PCDHA4: variants seen among roughly 807,000 people sequenced by gnomAD.
PCDHA4 encodes the protein protocadherin alpha-4.
Under a neutral mutation model 61.4 loss-of-function variants are expected in PCDHA4, and 49 were observed. That is an observed-to-expected ratio of 0.80 (90% CI 0.63 to 1.01). PCDHA4 has a LOEUF of 1.01. Among genes scored for constraint, PCDHA4 ranks in the 50% least tolerant of loss-of-function variants. The probability of loss-of-function intolerance (pLI) is 0.00; values close to 1 mark genes in which losing one functional copy is unlikely to be tolerated. For synonymous variants in PCDHA4, 590 were observed against 550.3 expected (o/e 1.07, Z -1.01); for missense variants, 1,254 against 1,235.8 (o/e 1.01, Z -0.22).
At chr5:140,869,471 T>A in intron 1 of PCDHA4, 1 of 1,613,696 alleles carries the variant, frequency 6.2e-7, no homozygotes, top group East Asian at 2.2e-5. Context: ...AACGTGGAGG[T>A]GAAGGACATT....
At chr5:140,993,877 C>T (rs1457877493) in intron 3 of PCDHA4, among the ~76,000 whole-genome samples, 4 of 152,150 alleles carry the variant, frequency 2.6e-5, no homozygotes, top group South Asian at 2.1e-4. Context: ...TGTGTAAGTA[C>T]GCTCTATGAT....
chr5:140,977,364 A>G (rs967972541), intron 1 of PCDHA4, among the ~76,000 whole-genome samples: 2 of 152,206 alleles, frequency 1.3e-5, no homozygotes, highest in African/African-American at 4.8e-5. Flanking sequence ...GATAAAAAGT[A>G]TTTTAGTCAT....
chr5:140,948,525 A>G (rs187765359), intron 1 of PCDHA4, among the ~76,000 whole-genome samples: 2 of 151,708 alleles, frequency 1.3e-5, no homozygotes, highest in Admixed American at 1.3e-4. Flanking sequence ...AACACTATTT[A>G]TATTTTATTT....
At chr5:140,877,627 A>C (rs782765998) in intron 1 of PCDHA4, 1 of 1,613,614 alleles carries the variant, frequency 6.2e-7, no homozygotes, top group East Asian at 2.2e-5. Context: ...GCTGCTGTAC[A>C]CTGCGCTGCG....
intron 1 of PCDHA4, among the ~76,000 whole-genome samples, chr5:140,932,330 G>A (rs1339060592): frequency 6.6e-6 from 1 of 151,860 alleles, no homozygotes; most frequent in African/African-American, 2.4e-5. Context: ...TAGCAAAAAT[G>A]CATGAAACAC....
chr5:140,888,941 TAA>T (rs1361014830), intron 1 of PCDHA4, among the ~76,000 whole-genome samples: 2 of 152,086 alleles, frequency 1.3e-5, no homozygotes, highest in Non-Finnish European at 1.5e-5. Flanking sequence ...GAGGGAGGTA[TAA>T]ATTTTTTCTT....
At chr5:140,901,405 G>A (rs1366026091) in intron 1 of PCDHA4, among the ~76,000 whole-genome samples, 1 of 152,128 alleles carries the variant, frequency 6.6e-6, no homozygotes, top group Non-Finnish European at 1.5e-5. Flanking sequence ...TGAGAGATAG[G>A]GGTCTAGTTT....
At chr5:140,884,511 G>T (rs1202323930) in intron 1 of PCDHA4, 6 of 1,614,074 alleles carry the variant, frequency 3.7e-6, no homozygotes, top group African/African-American at 1.3e-5. Context: ...GCAGGGAGTT[G>T]GTCGTACTCG....
At position 140,809,164 on chromosome 5, in the gene PCDHA4, G is replaced by GACGGCC. The variant is rs782115685; in HGVS notation, c.1986_1991dup (p.Ala663_Thr664dup). On this transcript the variant is annotated inframe_insertion, in exon 1 of 4. Coordinates refer to ENST00000530339, the MANE Select transcript of PCDHA4 (RefSeq NM_018907.4). ...TGAAGGACCACGGCGAGCCCGCGCT[G>GACGGCC]ACGGCCACGGCCACTGTGCTGGTGT... 1 of 1,614,000 alleles carries GACGGCC rather than the reference G, an allele frequency of 6.2e-7. No homozygotes were observed. The highest frequency in any genetic ancestry group is 8.5e-7 in the Non-Finnish European group (1 of 1,179,938).
Position 140,808,537 on chromosome 5 carries a change from C to A in PCDHA4, c.1350C>A (p.Asp450Glu). The change falls in exon 1 of 4, where the codon GAC becomes GAA. Residue 450 changes from aspartate (D) to glutamate (E), a missense_variant. Transcript: ENST00000530339. Reference protein sequence around the residue: ...SVSVEVADVNDNAPAFAQPEY... With the variant: ...SVSVEVADVNENAPAFAQPEY... ...CTGTGGAGGTGGCTGATGTGAACGA[C>A]AACGCTCCGGCGTTCGCGCAGCCCG... 1 of 1,614,170 alleles carries A rather than the reference C, an allele frequency of 6.2e-7. No individual in the cohort carries two copies. The highest frequency in any genetic ancestry group is 1.1e-5 in the South Asian group (1 of 91,088).
intron 1 of PCDHA4, among the ~76,000 whole-genome samples, chr5:140,937,011 G>A (rs567332621): frequency 9.2e-5 from 14 of 151,352 alleles, no homozygotes; most frequent in Non-Finnish European, 1.8e-4. Flanking sequence ...ACAGACAACC[G>A]ATTAACAAGG....
rs1246720296 is a variant in PCDHA4, at chr5:140,996,308, AAGGGGGG to A, written c.2534-13314_2534-13308del. 2.6e-5 allele frequency among the ~76,000 whole-genome samples: 4 copies of A among 152,358 alleles called. No individual in the cohort carries two copies. The East Asian group carries it at 5.8e-4, about 22-fold the overall frequency. On this transcript the variant is annotated intron_variant, in intron 3 of 3. Coordinates refer to ENST00000530339, the MANE Select transcript of PCDHA4 (RefSeq NM_018907.4). ...CAAGAAGCACAGATTGTAACAAAGT[AAGGGGGG>A]AGGGTAGAGAAGAAAAGTTTGAAAA... is the stretch of plus-strand genomic sequence containing the variant.
intron 1 of PCDHA4, among the ~76,000 whole-genome samples, chr5:140,903,921 G>C (rs1282440912): frequency 6.6e-6 from 1 of 152,198 alleles, no homozygotes; most frequent in African/African-American, 2.4e-5. Flanking sequence ...CTTCCTTGCT[G>C]CATTGGATAA....
At position 140,808,032 on chromosome 5, in the gene PCDHA4, C is replaced by T. The variant is rs782714684; in HGVS notation, c.845C>T (p.Ser282Leu). 9.3e-6 allele frequency: 15 copies of T among 1,613,706 alleles called. No homozygotes were observed. Among genetic ancestry groups the T allele is most frequent in the Non-Finnish European group, 9.3e-6 (11 of 1,179,782 alleles). ...GLNGDIVYSF[S>L]NDISPNVKSK... The stretch of plus-strand genomic sequence containing the variant: ...AATGGGGACATTGTTTATTCATTCT[C>T]AAATGATATTTCGCCAAATGTGAAA... Residue 282 changes from serine to leucine, a missense_variant, in exon 1 of 4, where the codon TCA becomes TTA. By Grantham distance (145) the Ser-to-Leu change is moderately radical (BLOSUM62 -2). Transcript: ENST00000530339.
intron 1 of PCDHA4, among the ~76,000 whole-genome samples, chr5:140,970,714 A>C (rs1554232672): frequency 6.6e-6 from 1 of 152,220 alleles, no homozygotes; most frequent in Non-Finnish European, 1.5e-5. Flanking sequence ...CAATGTGTGA[A>C]CAATATTTGT....
Position 140,841,349 on chromosome 5 carries a change from G to A in PCDHA4, c.2385+31777G>A, listed in dbSNP as rs2150314039. The A allele has an allele frequency of 5.3e-5, 86 of 1,612,662 alleles. 1 individual carries two copies. In the East Asian group the frequency reaches 1.9e-3, roughly 36 times the overall value. On this transcript the variant is annotated intron_variant, in intron 1 of 3. Coordinates refer to ENST00000530339, the MANE Select transcript of PCDHA4 (RefSeq NM_018907.4). ...GGATTATCACTGGCGAGGAGAGCTG[G>A]GATCCTGGCGACTACTACTCTTGCT...
At chr5:140,968,609 G>C (rs1554230915) in intron 1 of PCDHA4, 1 of 1,614,194 alleles carries the variant, frequency 6.2e-7, no homozygotes, top group Admixed American at 1.7e-5. Context: ...CTCAGACTCT[G>C]GGCAAAATGC....
chr5:140,992,381 T>C (rs890804495), intron 3 of PCDHA4, among the ~76,000 whole-genome samples: 5 of 152,200 alleles, frequency 3.3e-5, no homozygotes, highest in Admixed American at 1.3e-4. Context: ...TACATTATTG[T>C]GTTCTGGACT....
chr5:140,871,413 C>T (rs2053063966), intron 1 of PCDHA4: 5 of 1,613,884 alleles, frequency 3.1e-6, no homozygotes, highest in Admixed American at 1.7e-5. Context: ...ACCTCATGGC[C>T]TTCAGCCCCA....
Sources: allele counts gnomAD v4.1 joint callset (sites outside exome capture counted in the v4.1 genomes callset), GRCh38; gene constraint gnomAD v4.1.1; transcripts MANE v1.5; gene names NCBI Gene and HGNC (gene_info 2026-07-23, HGNC 2026-07-21).